GBE1: variants seen among roughly 807,000 people sequenced by gnomAD.
GBE1 encodes the protein 1,4-alpha-glucan branching enzyme 1.
In GBE1, 70 loss-of-function variants were observed where a neutral mutation model predicts 88.8. The ratio of observed to expected loss-of-function variants is 0.79; its 90% confidence interval spans 0.65 to 0.96. The LOEUF is 0.96. Among genes scored for constraint, GBE1 ranks in the 40% least tolerant of loss-of-function variants. GBE1 has a pLI of 0.00. For synonymous variants in GBE1, 284 were observed against 300.1 expected, an observed-to-expected ratio of 0.95 and a Z score of 0.56; for missense variants, 872 against 871.0, an observed-to-expected ratio of 1.00 and a Z score of -0.01.
Position 81,617,505 on chromosome 3 carries a change from G to C in GBE1, c.993-23482C>G, listed in dbSNP as rs1327584297. On this transcript the variant is annotated intron_variant, in intron 7 of 15. Coordinates refer to ENST00000429644, the MANE Select transcript of GBE1 (RefSeq NM_000158.4). ...ACTAATATAATTTTTTTCTTCTTTA[G>C]CTTGTTACTGTGTTGTGTTGGGATT... 2.0e-5 allele frequency among the ~76,000 whole-genome samples: 3 copies of C among 151,498 alleles called. No individual in the cohort carries two copies. The East Asian group carries it at 5.8e-4, about 29-fold the overall frequency.
chr3:81,698,590 T>G (rs774785690), intron 2 of GBE1, among the ~76,000 whole-genome samples: 6 of 152,230 alleles, frequency 3.9e-5, no homozygotes, highest in Non-Finnish European at 7.3e-5. Context: ...TCAATAACTT[T>G]CTTTCCTGTC....
chr3:81,617,146 C>T (rs1395291269), intron 7 of GBE1, among the ~76,000 whole-genome samples: 3 of 151,808 alleles, frequency 2.0e-5, no homozygotes, highest in Non-Finnish European at 4.4e-5. Context: ...TCTATATATA[C>T]AATCATGTCA....
chr3:81,750,525 A>ATATATATATATATG (rs1559708244), intron 1 of GBE1, among the ~76,000 whole-genome samples: 3 of 80,736 alleles, frequency 3.7e-5, no homozygotes, highest in African/African-American at 1.5e-4. Context: ...CAAAACATTC[A>ATATATATATATATG]TATATATATA....
At chr3:81,509,121 T>G (rs535751316) in intron 14 of GBE1, among the ~76,000 whole-genome samples, 1 of 152,254 alleles carries the variant, frequency 6.6e-6, no homozygotes, top group African/African-American at 2.4e-5. Context: ...TATTTTACTT[T>G]TTATACTTGA....
At chr3:81,618,899 G>A (rs1031265) in intron 7 of GBE1, among the ~76,000 whole-genome samples, 24,198 of 151,772 alleles carry the variant, frequency 0.16, 2,954 homozygotes, top group East Asian at 0.37. Flanking sequence ...TCTCAGCCTG[G>A]AAAACTGCTA....
intron 2 of GBE1, among the ~76,000 whole-genome samples, chr3:81,699,034 T>C (rs1481877014): frequency 6.6e-6 from 1 of 151,302 alleles, no homozygotes; most frequent in African/African-American, 2.4e-5. Context: ...CTTCTCAGCA[T>C]AGGTACTGGT....
chr3:81,520,514 T>A (rs759045968), intron 14 of GBE1, among the ~76,000 whole-genome samples: 25 of 151,548 alleles, frequency 1.6e-4, no homozygotes, highest in Non-Finnish European at 3.5e-4. Context: ...AACAGAGTAT[T>A]CTTTCTGATT....
intron 8 of GBE1, among the ~76,000 whole-genome samples, chr3:81,592,039 C>T (rs1253239817): frequency 6.6e-6 from 1 of 151,802 alleles, no homozygotes. Context: ...TGCATATATT[C>T]AAGGTTTCCA....
At chr3:81,561,874 A>C (rs886728927) in intron 12 of GBE1, among the ~76,000 whole-genome samples, 3 of 152,012 alleles carry the variant, frequency 2.0e-5, no homozygotes, top group Non-Finnish European at 4.4e-5. Context: ...CAGTGATGGG[A>C]CTACACAGAG....
chr3:81,661,664 T>C (rs896735930), intron 3 of GBE1, among the ~76,000 whole-genome samples: 2 of 152,212 alleles, frequency 1.3e-5, no homozygotes, highest in African/African-American at 4.8e-5. Context: ...ACTGCCACCA[T>C]CCTACCAATT....
chr3:81,562,108 C>T (rs1466937556), intron 12 of GBE1, among the ~76,000 whole-genome samples: 1 of 152,048 alleles, frequency 6.6e-6, no homozygotes, highest in Non-Finnish European at 1.5e-5. Flanking sequence ...TGAGTTAAGA[C>T]TAAGTGTTCT....
At chr3:81,667,946 A>G (rs902588699) in intron 3 of GBE1, among the ~76,000 whole-genome samples, 1 of 152,220 alleles carries the variant, frequency 6.6e-6, no homozygotes, top group African/African-American at 2.4e-5. Flanking sequence ...CACTATTTAC[A>G]ATGGCAAAGA....
intron 1 of GBE1, among the ~76,000 whole-genome samples, chr3:81,741,528 C>T (rs971868777): frequency 6.6e-6 from 1 of 152,058 alleles, no homozygotes; most frequent in Non-Finnish European, 1.5e-5. Flanking sequence ...AAGAAGTACT[C>T]TTCCTTTCTC....
Position 81,761,474 on chromosome 3 carries a change from T to C in GBE1, c.44A>G (p.Glu15Gly), listed in dbSNP as rs1706688644. The change falls in exon 1 of 16, where the codon GAG becomes GGG. Residue 15 changes from glutamate (E) to glycine (G), a missense_variant. Coordinates refer to ENST00000429644, the MANE Select transcript of GBE1 (RefSeq NM_000158.4). Reference protein sequence around the residue: ...MTPAARPEDYEAALNAALADV... With the variant: ...MTPAARPEDYGAALNAALADV... ...AGCCAGGGCGGCATTGAGCGCCGCC[T>C]CGTAGTCCTCGGGCCGAGCCGCGGG... 1 of 1,613,006 alleles carries C rather than the reference T, an allele frequency of 6.2e-7. No individual in the cohort carries two copies. The highest frequency in any genetic ancestry group is 8.5e-7 in the Non-Finnish European group (1 of 1,179,616).
chr3:81,579,825 A>C (rs6785616), intron 11 of GBE1, among the ~76,000 whole-genome samples: 101,465 of 152,060 alleles, frequency 0.67, 36,114 homozygotes, highest in African/African-American at 0.92. Flanking sequence ...ATTTAACATG[A>C]GTTTACTTCA....
intron 1 of GBE1, among the ~76,000 whole-genome samples, chr3:81,750,397 C>T (rs1488177747): frequency 6.7e-6 from 1 of 149,890 alleles, no homozygotes; most frequent in East Asian, 2.0e-4. Flanking sequence ...ATTTTGTTCT[C>T]CTTTTCTTTT....
At chr3:81,701,306 T>C (rs1338106942) in intron 2 of GBE1, among the ~76,000 whole-genome samples, 1 of 152,072 alleles carries the variant, frequency 6.6e-6, no homozygotes, top group Non-Finnish European at 1.5e-5. Flanking sequence ...GAAAAAGAAA[T>C]GATTGTTTTA....
chr3:81,663,063 T>C (rs1049306188), intron 3 of GBE1, among the ~76,000 whole-genome samples: 23 of 152,118 alleles, frequency 1.5e-4, no homozygotes, highest in African/African-American at 5.6e-4. Flanking sequence ...CGAGCTGATA[T>C]GGAAGTGCTA....
intron 12 of GBE1, among the ~76,000 whole-genome samples, chr3:81,540,119 A>C (rs1022368096): frequency 2.0e-5 from 3 of 152,018 alleles, no homozygotes; most frequent in Non-Finnish European, 4.4e-5. Flanking sequence ...GATGGTGGTC[A>C]GTAGCATTAA....
Sources: gnomAD v4.1 joint callset for allele counts (sites outside exome capture counted in the v4.1 genomes callset) on GRCh38, gnomAD v4.1.1 for gene constraint, MANE v1.5 for transcripts, NCBI Gene and HGNC (gene_info 2026-07-23, HGNC 2026-07-21) for gene names.